Variants in RNF214 observed in about 807,000 individuals in gnomAD.
RNF214 encodes ring finger protein 214.
RNF214 carries 25 observed loss-of-function variants against 75.9 expected under a neutral mutation model. That is an observed-to-expected ratio of 0.33 (90% CI 0.24 to 0.46). The LOEUF (loss-of-function observed/expected upper bound fraction) is 0.46, where lower values mean the gene tolerates loss of function less well. Ranked by LOEUF, RNF214 falls within the 20% of genes least tolerant of loss-of-function variation. RNF214 has a pLI of 1.00. For synonymous variants in RNF214, 314 were observed against 308.8 expected, an observed-to-expected ratio of 1.02 and a Z score of -0.18; for missense variants, 725 against 857.5, an observed-to-expected ratio of 0.85 and a Z score of 1.93.
intron 6 of RNF214, among the ~76,000 whole-genome samples, chr11:117,264,823 G>T (rs1449174917): frequency 6.6e-6 from 1 of 151,946 alleles, no homozygotes; most frequent in Non-Finnish European, 1.5e-5. Context: ...CAGCACTTTG[G>T]GAAGCCAAGG....
At position 117,285,184 on chromosome 11, in the gene RNF214, CTG is replaced by C; in HGVS notation, c.*34_*35del. 1 of 1,458,090 alleles carries C rather than the reference CTG, an allele frequency of 6.9e-7. No homozygotes were observed. Among genetic ancestry groups the C allele is most frequent in the Non-Finnish European group, 9.6e-7 (1 of 1,037,828 alleles). 90.3% of individuals were successfully genotyped at this position (1,458,090 alleles called of 1,614,324 possible). ...GACTGGGGAGGAAGAAGAAGAGAAACTGATGTGAACAGGAAGCGCGGGTTCAA... is the reference window on the plus strand; with the variant it reads ...GACTGGGGAGGAAGAAGAAGAGAAACATGTGAACAGGAAGCGCGGGTTCAA... On this transcript the variant is annotated 3_prime_UTR_variant, in exon 15 of 15. Transcript: ENST00000300650.
intron 6 of RNF214, among the ~76,000 whole-genome samples, chr11:117,272,039 CCTGGG>C (rs1444086613): frequency 6.6e-6 from 1 of 152,124 alleles, no homozygotes; most frequent in African/African-American, 2.4e-5. Context: ...GTCTTGAACT[CCTGGG>C]CTCAAGTGAT....
intron 6 of RNF214, among the ~76,000 whole-genome samples, chr11:117,266,699 T>C (rs1398119738): frequency 3.3e-5 from 5 of 152,064 alleles, no homozygotes; most frequent in African/African-American, 1.2e-4. Flanking sequence ...CAAATATTTT[T>C]TTCTGCCCTA....
rs992671808 is a variant in RNF214 at position 117,248,168 on chromosome 11, C to T, written c.959+1220C>T. Reference sequence around the variant, plus strand: ...TCAGCTCACTGCAAGCTCCACCTCCCGGGTTCACGCCATTCTCCTGCCTCA... The same window carrying T: ...TCAGCTCACTGCAAGCTCCACCTCCTGGGTTCACGCCATTCTCCTGCCTCA... On this transcript the variant is annotated intron_variant, in intron 6 of 14. Transcript: ENST00000300650. 4.1e-4 allele frequency among the ~76,000 whole-genome samples: 63 copies of T among 152,136 alleles called. No individual in the cohort carries two copies. The Middle Eastern group carries it at 0.01, about 25-fold the overall frequency.
At chr11:117,252,574 G>A (rs939301118) in intron 6 of RNF214, among the ~76,000 whole-genome samples, 16 of 151,850 alleles carry the variant, frequency 1.1e-4, no homozygotes, top group Admixed American at 3.9e-4. Context: ...AGGCTGGAGC[G>A]CAGTGGCGTG....
rs760952849 is a variant in RNF214 at position 117,279,888 on chromosome 11, C to T, written c.960-20C>T. 4 of 1,572,074 alleles carry T rather than the reference C, an allele frequency of 2.5e-6. No homozygotes were observed. In the South Asian group the frequency reaches 4.6e-5, roughly 18 times the overall value. ...CTTATCTTTCTTCCTTAGTCTTGTT[C>T]TTGGTTTCTTATCTTACAGAGAGGT... On this transcript the variant is annotated intron_variant, in intron 6 of 14. Transcript: ENST00000300650.
chr11:117,240,484 T>G (rs2033046125), intron 4 of RNF214, among the ~76,000 whole-genome samples: 1 of 150,908 alleles, frequency 6.6e-6, no homozygotes, highest in Non-Finnish European at 1.5e-5. Flanking sequence ...GGTTGAGAGT[T>G]TGAGACCAAG....
intron 6 of RNF214, among the ~76,000 whole-genome samples, chr11:117,266,076 T>C (rs1195463845): frequency 6.6e-6 from 1 of 152,244 alleles, no homozygotes; most frequent in African/African-American, 2.4e-5. Flanking sequence ...AGTAGTCTAT[T>C]GTATGAATAT....
intron 6 of RNF214, among the ~76,000 whole-genome samples, chr11:117,252,426 G>A (rs1200769524): frequency 6.6e-6 from 1 of 152,180 alleles, no homozygotes; most frequent in East Asian, 1.9e-4. Context: ...GAAATAATGG[G>A]ATTCTTTGAT....
intron 6 of RNF214, among the ~76,000 whole-genome samples, chr11:117,275,696 T>C (rs1343662711): frequency 1.3e-5 from 2 of 151,914 alleles, no homozygotes; most frequent in Admixed American, 1.3e-4. Context: ...CAGGAAGAAA[T>C]AGAAATCTTG....
intron 6 of RNF214, among the ~76,000 whole-genome samples, chr11:117,278,927 A>G (rs1252363948): frequency 2.0e-5 from 3 of 152,110 alleles, no homozygotes; most frequent in Admixed American, 6.6e-5. Context: ...CCCTGTCTCT[A>G]CAAAAAATAA....
intron 6 of RNF214, among the ~76,000 whole-genome samples, chr11:117,269,564 T>C (rs944413879): frequency 7.9e-5 from 12 of 152,160 alleles, no homozygotes; most frequent in South Asian, 2.1e-4. Flanking sequence ...GATTTTGCCA[T>C]GTTGCCCGGG....
chr11:117,246,994 A>G, intron 6 of RNF214, 46 bp downstream of exon 6: 1 of 1,434,780 alleles, frequency 7.0e-7, no homozygotes, highest in East Asian at 2.3e-5. Flanking sequence ...GTATATATGC[A>G]TGAGGGGCCA....
intron 6 of RNF214, among the ~76,000 whole-genome samples, chr11:117,254,476 C>A (rs2033473962): frequency 6.6e-6 from 1 of 152,162 alleles, no homozygotes; most frequent in African/African-American, 2.4e-5. Context: ...GGAAGTATTT[C>A]TTTCCATAGC....
chr11:117,258,582 T>C (rs2033582936), intron 6 of RNF214, among the ~76,000 whole-genome samples: 1 of 152,196 alleles, frequency 6.6e-6, no homozygotes, highest in African/African-American at 2.4e-5. Flanking sequence ...CAGTTAAATA[T>C]ACAAATCTTT....
In RNF214 at chr11:117,285,341, AAC is replaced by A; in HGVS notation, c.*192_*193del. ...AATGAAACTATGTATATTATGCAGAAACAGTCTGTTCCCCCTCATCTTGCAAT... is the reference window on the plus strand; with the variant it reads ...AATGAAACTATGTATATTATGCAGAAAGTCTGTTCCCCCTCATCTTGCAAT... On this transcript the variant is annotated 3_prime_UTR_variant, in exon 15 of 15. Transcript: ENST00000300650. The A allele has an allele frequency of 2.1e-6, 1 of 473,454 alleles. No homozygotes were observed. The highest frequency in any genetic ancestry group is 3.8e-6 in the Non-Finnish European group (1 of 266,420). The allele number at this position is 473,454 out of a possible 1,614,324, so 29.3% of individuals were successfully genotyped here.
chr11:117,262,298 A>G (rs2033684345), intron 6 of RNF214, among the ~76,000 whole-genome samples: 1 of 152,004 alleles, frequency 6.6e-6, no homozygotes, highest in African/African-American at 2.4e-5. Flanking sequence ...CATGTTGGCC[A>G]GGATGGTCTC....
intron 4 of RNF214, among the ~76,000 whole-genome samples, chr11:117,240,884 A>G (rs1466727060): frequency 2.6e-5 from 4 of 152,086 alleles, no homozygotes; most frequent in African/African-American, 9.7e-5. Context: ...CCTACTAAAA[A>G]TACAAAAATT....
rs752369383 is a variant in RNF214 at position 117,239,070 on chromosome 11, G to A, written c.577G>A (p.Asp193Asn). The A allele has an allele frequency of 6.2e-7, 1 of 1,613,836 alleles. No homozygotes were observed. The highest frequency in any genetic ancestry group is 1.1e-5 in the South Asian group (1 of 91,072). The change falls in exon 3 of 15, where the codon GAT becomes AAT. Residue 193 changes from aspartate to asparagine, a missense_variant. Physicochemically the swap from Asp to Asn is conservative, Grantham distance 23. This residue lies in a region of RNF214 where 362 missense variants were observed against 344.5 expected (regional missense o/e 1.05). Coordinates refer to ENST00000300650, the MANE Select transcript of RNF214 (RefSeq NM_207343.4). The stretch of plus-strand genomic sequence containing the variant: ...CCGAGTGGATCAGGATGATGATCAA[G>A]ATAGCTCTTCCCTGAAGCTTTCTCA... ...GVRVDQDDDQ[D>N]SSSLKLSQNI...
Sources: gnomAD v4.1 joint callset for allele counts (sites outside exome capture counted in the v4.1 genomes callset) on GRCh38, gnomAD v4.1.1 for gene constraint, gnomAD v4.1.1 regional missense constraint, MANE v1.5 for transcripts, NCBI Gene and HGNC (gene_info 2026-07-23, HGNC 2026-07-21) for gene names.